The following TEF variants were observed in gnomAD, a reference collection of about 807,000 sequenced individuals.
TEF encodes thyrotroph embryonic factor.
A neutral mutation model predicts 20.8 loss-of-function variants in TEF; 3 were observed. That is an observed-to-expected ratio of 0.14 (90% CI 0.07 to 0.37). TEF has a LOEUF of 0.37. TEF is among the 10% of genes least tolerant of loss of function. TEF has a pLI of 1.00. For synonymous variants in TEF, 180 were observed against 171.1 expected, an observed-to-expected ratio of 1.05 and a Z score of -0.41; for missense variants, 296 against 397.9, an observed-to-expected ratio of 0.74 and a Z score of 2.18.
intron 1 of TEF, among the ~76,000 whole-genome samples, chr22:41,376,243 TTTG>T (rs1471643976): frequency 1.3e-5 from 2 of 152,240 alleles, no homozygotes; most frequent in African/African-American, 2.4e-5. Context: ...TTTTTGTTTT[TTTG>T]TTGTTGTTGA....
chr22:41,369,321 G>A (rs1327298898), intron 1 of TEF: 1 of 923,894 alleles, frequency 1.1e-6, no homozygotes, highest in African/African-American at 1.8e-5. Flanking sequence ...CAAGGTTTCA[G>A]GCAGAGCTTT....
At position 41,396,526 on chromosome 22, in the gene TEF, T is replaced by C. The variant is rs1601827553; in HGVS notation, c.*566T>C. 1 of 169,374 alleles carries C rather than the reference T, an allele frequency of 5.9e-6. No individual in the cohort carries two copies. Among genetic ancestry groups the C allele is most frequent in the Non-Finnish European group, 1.2e-5 (1 of 80,160 alleles). The allele number at this position is 169,374 out of a possible 1,614,324, so 10.5% of individuals were successfully genotyped here. On this transcript the variant is annotated 3_prime_UTR_variant, in exon 4 of 4. Coordinates refer to ENST00000266304, the MANE Select transcript of TEF (RefSeq NM_003216.4). ...CTGCATGGGTAGCAGGCTGCAGGAG[T>C]GGGGTCTCTGCACAGCCTGGGATGG...
intron 2 of TEF, among the ~76,000 whole-genome samples, chr22:41,393,253 A>G (rs1021089034): frequency 6.6e-6 from 1 of 150,448 alleles, no homozygotes; most frequent in Non-Finnish European, 1.5e-5. Flanking sequence ...AGGCAAGAGG[A>G]TCACTCCAGC....
chr22:41,376,439 G>A, intron 1 of TEF, among the ~76,000 whole-genome samples: 1 of 152,204 alleles, frequency 6.6e-6, no homozygotes, highest in South Asian at 2.1e-4. Context: ...TGTTGGCCAG[G>A]CTGGTCTTGA....
chr22:41,367,581 TG>T lies in TEF; in HGVS notation c.51del (p.Trp17CysfsTer79), dbSNP rs2145955283. On this transcript the variant is annotated frameshift_variant, in exon 1 of 4. Coordinates refer to the TEF transcript ENST00000406644. LOFTEE classifies it high-confidence loss of function. ...GTCCCTGCTGGAGCACTCTCTGCCT[TG>T]GCCAGAGAAGAGAACAGGTAGGAGC... 6.4e-7 allele frequency: 1 copy of T among 1,551,392 alleles called. No individual in the cohort carries two copies. Among genetic ancestry groups the T allele is most frequent in the South Asian group, 1.2e-5 (1 of 84,058 alleles).
intron 1 of TEF, chr22:41,382,984 A>C (rs1342573199): frequency 4.2e-6 from 2 of 470,954 alleles, no homozygotes; most frequent in Non-Finnish European, 8.8e-6. Flanking sequence ...GTATACGGAA[A>C]GCAGGTCTGG....
chr22:41,379,893 CAAA>C (rs1221059649), upstream of TEF, among the ~76,000 whole-genome samples: 1 of 45,084 alleles, frequency 2.2e-5, no homozygotes, highest in Non-Finnish European at 4.9e-5. Flanking sequence ...AACTCCGTCT[CAAA>C]AAAAAAAAAA....
Position 41,397,350 on chromosome 22 carries a change from T to G in TEF, c.*1390T>G, listed in dbSNP as rs184623428. ...TGCTCAGAAGATTCACTGAGGAAACTCATGGAAGCCTCTGCTCATTTGGGT... is the reference window on the plus strand; with the variant it reads ...TGCTCAGAAGATTCACTGAGGAAACGCATGGAAGCCTCTGCTCATTTGGGT... On this transcript the variant is annotated 3_prime_UTR_variant, in exon 4 of 4. Coordinates refer to ENST00000266304, the MANE Select transcript of TEF (RefSeq NM_003216.4). 2.8e-3 allele frequency: 1,053 copies of G among 370,142 alleles called. 3 individuals carry two copies. The highest frequency in any genetic ancestry group is 4.2e-3 in the Non-Finnish European group (871 of 208,110). 22.9% of individuals were successfully genotyped at this position (370,142 alleles called of 1,614,324 possible). A position where few individuals can be genotyped will look rare whatever the true frequency, so the allele number is the denominator to read the frequency against.
At chr22:41,388,527 A>G (rs112172237) in intron 2 of TEF, among the ~76,000 whole-genome samples, 3 of 151,676 alleles carry the variant, frequency 2.0e-5, no homozygotes, top group African/African-American at 7.3e-5. Flanking sequence ...GCACTATTCA[A>G]GTGCTACCTC....
Position 41,399,069 on chromosome 22 carries a change from T to C in TEF, c.*3109T>C, listed in dbSNP as rs1246886017. 6.5e-6 allele frequency: 1 copy of C among 152,680 alleles called. No homozygotes were observed. Among genetic ancestry groups the C allele is most frequent in the Non-Finnish European group, 1.5e-5 (1 of 68,060 alleles). The allele number at this position is 152,680 out of a possible 1,614,324, so 9.5% of individuals were successfully genotyped here. A position where few individuals can be genotyped will look rare whatever the true frequency, so the allele number is the denominator to read the frequency against. On this transcript the variant is annotated 3_prime_UTR_variant, in exon 4 of 4. Transcript: ENST00000266304. The stretch of plus-strand genomic sequence containing the variant: ...ATTTTTCTAAGTGCATGTGATGTGA[T>C]AGAGTGTGTGGGGCTCTGTGTCCTT...
Position 41,394,333 on chromosome 22 carries a change from T to C in TEF, c.696+17T>C. 6.2e-7 allele frequency: 1 copy of C among 1,608,918 alleles called. No individual in the cohort carries two copies. The highest frequency in any genetic ancestry group is 1.1e-5 in the South Asian group (1 of 90,766). ...GAGCAGAAGGTAACCTGGTATTCCTTATAAATAAAGATGCAGCGTTGGTTC... is the reference window on the plus strand; with the variant it reads ...GAGCAGAAGGTAACCTGGTATTCCTCATAAATAAAGATGCAGCGTTGGTTC... On this transcript the variant is annotated intron_variant, in intron 3 of 3. Coordinates refer to ENST00000266304, the MANE Select transcript of TEF (RefSeq NM_003216.4).
Position 41,387,457 on chromosome 22 carries a change from A to G in TEF, c.264A>G (p.Pro88=). ...LMPPIWDKTI[P]YDGESFHLEY... ...CACCCATCTGGGACAAGACCATCCC[A>G]TATGATGGCGAATCTTTCCACCTGG... Residue 88 remains proline, a synonymous_variant, in exon 2 of 4, where the codon CCA becomes CCG. Transcript: ENST00000266304. The G allele has an allele frequency of 1.2e-6, 2 of 1,614,242 alleles. No homozygotes were observed. The highest frequency in any genetic ancestry group is 8.5e-7 in the Non-Finnish European group (1 of 1,180,030).
chr22:41,373,099 G>T (rs986505139), intron 1 of TEF, among the ~76,000 whole-genome samples: 5 of 152,172 alleles, frequency 3.3e-5, no homozygotes, highest in African/African-American at 9.7e-5. Context: ...TATTCTTGGG[G>T]AAGTGGCTGG....
chr22:41,382,233 G>T (rs1285776930), intron 1 of TEF, 32 bp downstream of exon 1: 3 of 1,225,722 alleles, frequency 2.4e-6, no homozygotes, highest in Non-Finnish European at 3.1e-6. Context: ...GCGCGGGCTG[G>T]GGGCGGGGCT....
intron 1 of TEF, among the ~76,000 whole-genome samples, chr22:41,386,110 C>T (rs1426113979): frequency 1.3e-5 from 2 of 152,142 alleles, no homozygotes; most frequent in South Asian, 2.1e-4. Flanking sequence ...CAATCCTGAC[C>T]CCCCCGCACC....
chr22:41,367,539 A>G (rs967871560), exon 1 of TEF: 3 of 1,550,994 alleles, frequency 1.9e-6, no homozygotes, highest in East Asian at 4.9e-5. Flanking sequence ...TGCCATGGAC[A>G]TGCCTGAGGT....
chr22:41,377,894 T>A (rs1209335297), upstream of TEF, among the ~76,000 whole-genome samples: 1 of 152,150 alleles, frequency 6.6e-6, no homozygotes, highest in Admixed American at 6.5e-5. Context: ...GGCTGGGAGA[T>A]GAGTGGAGTA....
upstream of TEF, chr22:41,381,834 G>A: frequency 8.4e-7 from 1 of 1,195,682 alleles, no homozygotes; most frequent in Non-Finnish European, 1.0e-6. Context: ...CCAATCCAGA[G>A]CAACGATCCG....
intron 2 of TEF, among the ~76,000 whole-genome samples, chr22:41,389,750 C>G (rs577047837): frequency 6.6e-6 from 1 of 152,050 alleles, no homozygotes; most frequent in African/African-American, 2.4e-5. Flanking sequence ...GTTGAAATTA[C>G]AGGCATGAGC....
Sources: allele counts gnomAD v4.1 joint callset (sites outside exome capture counted in the v4.1 genomes callset), GRCh38; gene constraint gnomAD v4.1.1; transcripts MANE v1.5; gene names NCBI Gene and HGNC (gene_info 2026-07-23, HGNC 2026-07-21).